The following MTRFR variants were observed in gnomAD, a reference collection of about 807,000 sequenced individuals.
The protein encoded by MTRFR is probable peptide chain release factor C12orf65, mitochondrial.
A neutral mutation model predicts 11.9 loss-of-function variants in MTRFR; 10 were observed. The ratio of observed to expected loss-of-function variants is 0.84; its 90% CI spans 0.52 to 1.42. The LOEUF (loss-of-function observed/expected upper bound fraction) is 1.42, where lower values mean the gene tolerates loss of function less well. MTRFR is among the 40% of genes most tolerant of loss of function. MTRFR has a pLI of 0.00. For synonymous variants in MTRFR, 77 were observed against 79.1 expected (o/e 0.97, Z 0.14); for missense variants, 196 against 197.9 (o/e 0.99, Z 0.06).
At chr12:123,236,540 G>A (rs1565989596) in intron 1 of MTRFR, among the ~76,000 whole-genome samples, 1 of 151,524 alleles carries the variant, frequency 6.6e-6, no homozygotes, top group Non-Finnish European at 1.5e-5. Flanking sequence ...GCTGCACTGA[G>A]CCATTTTTAT....
intron 1 of MTRFR, among the ~76,000 whole-genome samples, chr12:123,243,271 C>G (rs1346682586): frequency 7.2e-6 from 1 of 137,976 alleles, no homozygotes; most frequent in Non-Finnish European, 1.6e-5. Flanking sequence ...TGGCTCACGC[C>G]TGTAATCCCA....
At chr12:123,254,547 G>C (rs1404929365) in intron 2 of MTRFR, 1 of 154,548 alleles carries the variant, frequency 6.5e-6, no homozygotes, top group East Asian at 1.9e-4. Context: ...CTGAGGGCGA[G>C]ATCATGGAGG....
Position 123,256,839 on chromosome 12 carries a change from G to A in MTRFR, c.309G>A (p.Gln103=), listed in dbSNP as rs573747271. Residue 103 remains glutamine (Q), a synonymous_variant, in exon 3 of 3, where the codon CAG becomes CAA. Coordinates refer to ENST00000253233, the MANE Select transcript of MTRFR (RefSeq NM_152269.5). ...VKCHQTRSVD[Q]NRKLARKILQ... The stretch of plus-strand genomic sequence containing the variant: ...GCCATCAGACAAGATCAGTTGATCA[G>A]AACAGAAAGCTAGCTCGGAAAATCC... 7.0e-4 allele frequency: 1,122 copies of A among 1,613,432 alleles called. 15 individuals are homozygous for A. The South Asian group carries it at 0.012, about 17-fold the overall frequency.
At chr12:123,235,487 C>T (rs1024247119) in intron 1 of MTRFR, among the ~76,000 whole-genome samples, 2 of 151,924 alleles carry the variant, frequency 1.3e-5, no homozygotes, top group African/African-American at 4.8e-5. Context: ...GCCTTAGCCT[C>T]CCTAGTAGCT....
chr12:123,236,058 G>A (rs1300028923), intron 1 of MTRFR, among the ~76,000 whole-genome samples: 4 of 151,666 alleles, frequency 2.6e-5, no homozygotes, highest in East Asian at 2.0e-4. Flanking sequence ...AGTGAGACTC[G>A]TCTCAAAAAA....
intron 1 of MTRFR, among the ~76,000 whole-genome samples, chr12:123,242,592 G>C (rs1171242408): frequency 6.6e-6 from 1 of 152,174 alleles, no homozygotes; most frequent in African/African-American, 2.4e-5. Flanking sequence ...TTGTCTGATT[G>C]GCTGTTGGAA....
chr12:123,235,627 C>A (rs948930434), intron 1 of MTRFR, among the ~76,000 whole-genome samples: 1 of 151,544 alleles, frequency 6.6e-6, no homozygotes, highest in African/African-American at 2.4e-5. Flanking sequence ...CTGCCTCGGC[C>A]TCCCACGGTG....
At chr12:123,245,711 G>A (rs769841872) in intron 1 of MTRFR, among the ~76,000 whole-genome samples, 2 of 152,098 alleles carry the variant, frequency 1.3e-5, no homozygotes, top group South Asian at 2.1e-4. Flanking sequence ...CCACTTGGTC[G>A]CTGTTGGTGT....
In MTRFR at chr12:123,257,522, A is replaced by G. The variant is rs1045652716; in HGVS notation, c.*491A>G. 1.3e-5 allele frequency: 2 copies of G among 158,526 alleles called. No individual in the cohort carries two copies. The highest frequency in any genetic ancestry group is 4.8e-5 in the African/African-American group (2 of 41,304). The allele number at this position is 158,526 out of a possible 1,614,324, so 9.8% of individuals were successfully genotyped here. A position where few individuals can be genotyped will look rare whatever the true frequency, so the allele number is the denominator to read the frequency against. Reference sequence around the variant, plus strand: ...CACCTGGGTGACAGAGCGAGACCCCATCTCAAAAAAAAAATAAAACTAGTT... The same window carrying G: ...CACCTGGGTGACAGAGCGAGACCCCGTCTCAAAAAAAAAATAAAACTAGTT... On this transcript the variant is annotated 3_prime_UTR_variant, in exon 3 of 3. Coordinates refer to ENST00000253233, the MANE Select transcript of MTRFR (RefSeq NM_152269.5).
intron 1 of MTRFR, among the ~76,000 whole-genome samples, chr12:123,236,212 A>G (rs961913366): frequency 2.0e-5 from 3 of 152,236 alleles, no homozygotes; most frequent in African/African-American, 7.2e-5. Flanking sequence ...TGAAAACCTA[A>G]TGGTTTCCAA....
intron 1 of MTRFR, among the ~76,000 whole-genome samples, chr12:123,247,394 A>G (rs2048057610): frequency 6.6e-6 from 1 of 152,174 alleles, no homozygotes. Context: ...CCTTATTACC[A>G]TTATATAATG....
rs2048185009 is a variant in MTRFR, at chr12:123,256,695, T to G, written c.283-118T>G. On this transcript the variant is annotated intron_variant, in intron 2 of 2. Transcript: ENST00000253233. ...TGGATGACAAGAACGAAACTCTGTCTCAATAAATAAATAAATAGTAAATAA... is the reference window on the plus strand; with the variant it reads ...TGGATGACAAGAACGAAACTCTGTCGCAATAAATAAATAAATAGTAAATAA... 1.5e-5 allele frequency: 13 copies of G among 843,248 alleles called. 1 individual carries two copies. The South Asian group carries it at 1.9e-4, about 13-fold the overall frequency. The allele number at this position is 843,248 out of a possible 1,614,324, so 52.2% of individuals were successfully genotyped here. A position where few individuals can be genotyped will look rare whatever the true frequency, so the allele number is the denominator to read the frequency against.
intron 1 of MTRFR, among the ~76,000 whole-genome samples, chr12:123,239,770 T>A (rs909216086): frequency 1.3e-5 from 2 of 151,924 alleles, no homozygotes; most frequent in African/African-American, 4.8e-5. Context: ...ACATTTTTTA[T>A]TTTTTTTTCC....
intron 1 of MTRFR, chr12:123,248,932 G>A (rs1369231649): frequency 2.0e-5 from 3 of 151,002 alleles, no homozygotes; most frequent in Non-Finnish European, 3.0e-5. Flanking sequence ...CCTTTAGCTA[G>A]ACACAAAAGT....
rs398122972 is a variant in MTRFR at position 123,256,875 on chromosome 12, AG to A, written c.346del (p.Val116Ter). On this transcript the variant is annotated frameshift_variant, in exon 3 of 3. Coordinates refer to ENST00000253233, the MANE Select transcript of MTRFR (RefSeq NM_152269.5). LOFTEE classifies it high-confidence loss of function. ...TAGCTCGGAAAATCCTACAAGAGAA[AG>A]TAGATGTTTTCTACAATGGTGAAAA... is the stretch of plus-strand genomic sequence containing the variant. ...KLARKILQEKVDVFYNGENSP... is the reference protein window; with the variant it reads ...KLARKILQEKXDVFYNGENSP... 6.2e-7 allele frequency: 1 copy of A among 1,614,066 alleles called. No individual in the cohort carries two copies. Among genetic ancestry groups the A allele is most frequent in the South Asian group, 1.1e-5 (1 of 91,072 alleles).
rs2048191163 is a variant in MTRFR, at chr12:123,257,057, C to A, written c.*26C>A. 6.5e-7 allele frequency: 1 copy of A among 1,541,818 alleles called. No homozygotes were observed. The highest frequency in any genetic ancestry group is 9.0e-7 in the Non-Finnish European group (1 of 1,116,796). Reference sequence around the variant, plus strand: ...GAAAAGAATTAGAGATTCCAACTGACAGAATCTGCCAGAAGCTCCCAGGGA... The same window carrying A: ...GAAAAGAATTAGAGATTCCAACTGAAAGAATCTGCCAGAAGCTCCCAGGGA... On this transcript the variant is annotated 3_prime_UTR_variant, in exon 3 of 3. Coordinates refer to ENST00000253233, the MANE Select transcript of MTRFR (RefSeq NM_152269.5).
At chr12:123,247,633 A>T (rs2048060887) in intron 1 of MTRFR, among the ~76,000 whole-genome samples, 1 of 152,130 alleles carries the variant, frequency 6.6e-6, no homozygotes, top group Admixed American at 6.6e-5. Context: ...TAGGCCATTC[A>T]CATTCAATGT....
At chr12:123,234,677 A>C (rs191176772) in intron 1 of MTRFR, among the ~76,000 whole-genome samples, 2 of 152,206 alleles carry the variant, frequency 1.3e-5, no homozygotes, top group Non-Finnish European at 2.9e-5. Context: ...GATTACAGGC[A>C]TGAGCCACCA....
At position 123,244,388 on chromosome 12, in the gene MTRFR, C is replaced by T. The variant is rs562405260; in HGVS notation, c.-28-9259C>T. Among the ~76,000 whole-genome samples, 42 of 152,180 alleles carry T rather than the reference C, an allele frequency of 2.8e-4. 1 individual carries two copies. The highest frequency in any genetic ancestry group is 4.0e-4 in the Non-Finnish European group (27 of 68,014). On this transcript the variant is annotated intron_variant, in intron 1 of 2. Coordinates refer to ENST00000253233, the MANE Select transcript of MTRFR (RefSeq NM_152269.5). The stretch of plus-strand genomic sequence containing the variant: ...CAGAGGTTGCAGCGAGCCAAGATCG[C>T]GCCATCGCACTCCAGCCTGGGCAGC...
Sources: allele counts gnomAD v4.1 joint callset (sites outside exome capture counted in the v4.1 genomes callset), GRCh38; gene constraint gnomAD v4.1.1; transcripts MANE v1.5; gene names NCBI Gene and HGNC (gene_info 2026-07-23, HGNC 2026-07-21).